Variants in SAMD4A observed in about 807,000 individuals in gnomAD.
SAMD4A encodes the protein sterile alpha motif domain containing 4A.
Under a neutral mutation model 81.3 loss-of-function variants are expected in SAMD4A, and 33 were observed. That is an observed-to-expected ratio of 0.41 (90% confidence interval 0.31 to 0.54). The LOEUF (loss-of-function observed/expected upper bound fraction) is 0.54, where lower values mean the gene tolerates loss of function less well. SAMD4A is among the 20% of genes least tolerant of loss of function. The probability of loss-of-function intolerance (pLI) is 0.37; values close to 1 mark genes in which losing one functional copy is unlikely to be tolerated. For synonymous variants in SAMD4A, 389 were observed against 382.1 expected (o/e 1.02, Z -0.21); for missense variants, 854 against 951.1 (o/e 0.90, Z 1.34).
At position 54,764,510 on chromosome 14, in the gene SAMD4A, A is replaced by G. The variant is rs781701230; in HGVS notation, c.1566A>G (p.Leu522=). The G allele has an allele frequency of 6.2e-7, 1 of 1,612,600 alleles. No individual in the cohort carries two copies. The highest frequency in any genetic ancestry group is 1.7e-5 in the Admixed American group (1 of 59,900). ...ATGAGGAAAATATAAGTTCCTATTT[A>G]CAGCTCATAGACAAGTGTCTAATTC... ...RPDEENISSY[L]QLIDKCLIHE... is the part of the protein sequence containing the mutation. The change falls in exon 8 of 13, where the codon TTA becomes TTG. Residue 522 remains leucine (L), a synonymous_variant. Coordinates refer to ENST00000554335, the MANE Select transcript of SAMD4A (RefSeq NM_015589.6).
chr14:54,620,472 C>T (rs537104050), intron 2 of SAMD4A, among the ~76,000 whole-genome samples: 171 of 152,276 alleles, frequency 1.1e-3, no homozygotes, highest in African/African-American at 3.8e-3. Context: ...GGCATTCCTT[C>T]CCGCTCACAT....
At chr14:54,782,057 C>T (rs2039011870) in intron 11 of SAMD4A, among the ~76,000 whole-genome samples, 3 of 152,194 alleles carry the variant, frequency 2.0e-5, no homozygotes, top group African/African-American at 4.8e-5. Context: ...CGAACACCCC[C>T]ACTTCCCACC....
At chr14:54,743,182 G>A (rs2037887050) in intron 4 of SAMD4A, among the ~76,000 whole-genome samples, 1 of 152,194 alleles carries the variant, frequency 6.6e-6, no homozygotes, top group African/African-American at 2.4e-5. Context: ...TCCATGAGTG[G>A]CTGGGACATG....
intron 9 of SAMD4A, among the ~76,000 whole-genome samples, chr14:54,772,847 C>CT (rs1438229325): frequency 6.6e-6 from 1 of 152,054 alleles, no homozygotes; most frequent in African/African-American, 2.4e-5. Flanking sequence ...AACACTCGGC[C>CT]CTTGTCTCTA....
intron 8 of SAMD4A, 75 bp downstream of exon 8, chr14:54,764,615 G>A (rs1350342613): frequency 1.1e-5 from 11 of 974,444 alleles, no homozygotes. Flanking sequence ...TCTGTGATGT[G>A]ATCATTTTAG....
chr14:54,622,122 G>A (rs1013616857), intron 2 of SAMD4A, among the ~76,000 whole-genome samples: 7 of 152,126 alleles, frequency 4.6e-5, no homozygotes, highest in Non-Finnish European at 1.0e-4. Flanking sequence ...TTGTGGTAGG[G>A]ACACCAGGAT....
At chr14:54,750,851 C>T (rs750813474) in intron 5 of SAMD4A, among the ~76,000 whole-genome samples, 22 of 152,192 alleles carry the variant, frequency 1.4e-4, no homozygotes, top group Non-Finnish European at 2.5e-4. Flanking sequence ...GAAGAAATTT[C>T]ATGCTGGGTA....
chr14:54,786,679 A>G (rs2039149889), intron 12 of SAMD4A, among the ~76,000 whole-genome samples: 1 of 152,220 alleles, frequency 6.6e-6, no homozygotes, highest in South Asian at 2.1e-4. Flanking sequence ...GGCTTGATAC[A>G]TCTCAGACAA....
chr14:54,753,675 A>G (rs2038169308), intron 6 of SAMD4A, among the ~76,000 whole-genome samples: 1 of 148,846 alleles, frequency 6.7e-6, no homozygotes, highest in Admixed American at 6.7e-5. Context: ...ATATATATTT[A>G]TAGAATATAC....
intron 3 of SAMD4A, among the ~76,000 whole-genome samples, chr14:54,727,929 T>G (rs979115650): frequency 5.3e-5 from 8 of 152,184 alleles, no homozygotes; most frequent in African/African-American, 1.7e-4. Flanking sequence ...AGCTGGCATC[T>G]GGGCTCAGCC....
intron 2 of SAMD4A, among the ~76,000 whole-genome samples, chr14:54,592,991 CTAAA>C (rs1471390661): frequency 6.6e-6 from 1 of 152,072 alleles, no homozygotes; most frequent in Non-Finnish European, 1.5e-5. Flanking sequence ...TCCAATGTCA[CTAAA>C]TAGTCTTAGA....
intron 2 of SAMD4A, among the ~76,000 whole-genome samples, chr14:54,636,907 A>C (rs954363428): frequency 2.0e-5 from 3 of 152,172 alleles, no homozygotes; most frequent in Admixed American, 6.5e-5. Flanking sequence ...GGTTGGATAT[A>C]TAAGTCTGGA....
chr14:54,677,000 C>T (rs1319008496), intron 2 of SAMD4A, among the ~76,000 whole-genome samples: 3 of 152,340 alleles, frequency 2.0e-5, no homozygotes, highest in African/African-American at 2.4e-5. Flanking sequence ...TGCTGAAACA[C>T]GGCACATGCT....
At chr14:54,677,350 A>G (rs1413195127) in intron 2 of SAMD4A, among the ~76,000 whole-genome samples, 2 of 152,226 alleles carry the variant, frequency 1.3e-5, no homozygotes, top group African/African-American at 4.8e-5. Flanking sequence ...CTGTTTTAAA[A>G]GAACAAAACA....
intron 2 of SAMD4A, among the ~76,000 whole-genome samples, chr14:54,596,812 C>T (rs1442708515): frequency 2.0e-5 from 3 of 152,030 alleles, no homozygotes; most frequent in Non-Finnish European, 2.9e-5. Context: ...CCTCCCAGGG[C>T]ACACATCAGG....
chr14:54,741,943 A>G (rs373650375), intron 4 of SAMD4A, among the ~76,000 whole-genome samples: 3 of 152,176 alleles, frequency 2.0e-5, no homozygotes, highest in South Asian at 4.1e-4. Flanking sequence ...CTTGCAAAGG[A>G]CATTCTCTTT....
chr14:54,609,798 A>C (rs1188192198), intron 2 of SAMD4A, among the ~76,000 whole-genome samples: 1 of 152,200 alleles, frequency 6.6e-6, no homozygotes, highest in African/African-American at 2.4e-5. Context: ...CTGACAGCAA[A>C]AGTTAGCAAT....
chr14:54,666,257 T>C (rs2035754466), intron 2 of SAMD4A, among the ~76,000 whole-genome samples: 1 of 152,182 alleles, frequency 6.6e-6, no homozygotes, highest in African/African-American at 2.4e-5. Context: ...CAAAGCTACA[T>C]GGATTTAAAA....
rs1555347506 is a variant in SAMD4A, at chr14:54,724,007, T to TGGATGGAAGGAAGGAAGAAGGAA, written c.716-13014_716-13013insTGGAAGGAAGGAAGAAGGAAGGA. Among the ~76,000 whole-genome samples, 20 of 124,252 alleles carry TGGATGGAAGGAAGGAAGAAGGAA rather than the reference T, an allele frequency of 1.6e-4. No homozygotes were observed. In the East Asian group the frequency reaches 5.0e-3, roughly 31 times the overall value. The allele number at this position is 124,252 out of a possible 152,430, so 81.5% of individuals were successfully genotyped here. On this transcript the variant is annotated intron_variant, in intron 3 of 12. Transcript: ENST00000554335. The stretch of plus-strand genomic sequence containing the variant: ...AGCAAATATTGGATGGATGGATGGA[T>TGGATGGAAGGAAGGAAGAAGGAA]GGAAGGAAGGAAGGAAGGAAGGAAG...
Sources: allele counts gnomAD v4.1 joint callset (sites outside exome capture counted in the v4.1 genomes callset), GRCh38; gene constraint gnomAD v4.1.1; transcripts MANE v1.5; gene names NCBI Gene and HGNC (gene_info 2026-07-23, HGNC 2026-07-21).